Variants in FAM135B observed in about 807,000 individuals in gnomAD.
FAM135B encodes family with sequence similarity 135 member B.
Under a neutral mutation model 127.7 loss-of-function variants are expected in FAM135B, and 43 were observed. The ratio of observed to expected loss-of-function variants is 0.34; its 90% confidence interval spans 0.26 to 0.43. FAM135B has a LOEUF of 0.43. Among genes scored for constraint, FAM135B ranks in the 20% least tolerant of loss-of-function variants. The probability of loss-of-function intolerance (pLI) is 1.00; values close to 1 mark genes in which losing one functional copy is unlikely to be tolerated. For missense variants in FAM135B, 1,558 were observed against 1,725.6 expected, an observed-to-expected ratio of 0.90 and a Z score of 1.72; for synonymous variants, 670 against 665.1, an observed-to-expected ratio of 1.01 and a Z score of -0.11.
chr8:138,167,870 T>A (rs757320885), intron 12 of FAM135B, 25 bp downstream of exon 12: 2 of 1,589,878 alleles, frequency 1.3e-6, no homozygotes, highest in Admixed American at 3.5e-5. Context: ...TATTCCTGAG[T>A]CTTTCCAAAA....
At chr8:138,439,452 C>T (rs1284098597) in intron 1 of FAM135B, 1 of 152,224 alleles carries the variant, frequency 6.6e-6, no homozygotes, top group Non-Finnish European at 1.5e-5. Context: ...AAACACCAGT[C>T]TCATCTTCAA....
intron 5 of FAM135B, among the ~76,000 whole-genome samples, chr8:138,256,369 A>G (rs777544138): frequency 2.4e-4 from 37 of 152,220 alleles, no homozygotes; most frequent in Non-Finnish European, 4.1e-4. Flanking sequence ...TCATAGGGTC[A>G]TTAATCTAAA....
chr8:138,342,883 C>A (rs1174774710), intron 2 of FAM135B, among the ~76,000 whole-genome samples: 1 of 152,220 alleles, frequency 6.6e-6, no homozygotes, highest in Non-Finnish European at 1.5e-5. Flanking sequence ...TATGCATACC[C>A]AAACACGTGT....
chr8:138,340,835 C>T (rs1828996963), intron 2 of FAM135B, among the ~76,000 whole-genome samples: 1 of 152,168 alleles, frequency 6.6e-6, no homozygotes, highest in South Asian at 2.1e-4. Flanking sequence ...TCAAGGTTCA[C>T]TTTCTTGGCA....
intron 2 of FAM135B, among the ~76,000 whole-genome samples, chr8:138,341,960 TAA>T (rs1448221986): frequency 6.6e-6 from 1 of 151,760 alleles, no homozygotes; most frequent in Non-Finnish European, 1.5e-5. Context: ...GTGCAGGGAG[TAA>T]AAGTCACTTA....
At chr8:138,346,976 G>T (rs1006939745) in intron 2 of FAM135B, among the ~76,000 whole-genome samples, 1 of 152,170 alleles carries the variant, frequency 6.6e-6, no homozygotes, top group African/African-American at 2.4e-5. Flanking sequence ...CCGAGAAAAA[G>T]ATTTTGTGTT....
intron 11 of FAM135B, among the ~76,000 whole-genome samples, chr8:138,171,789 A>T (rs1563725470): frequency 1.3e-5 from 2 of 152,176 alleles, no homozygotes; most frequent in Non-Finnish European, 2.9e-5. Context: ...CAGTCTGACC[A>T]GGCAGGGAGT....
rs900315213 is a variant in FAM135B, at chr8:138,398,362, T to C, written c.-19-30360A>G. On this transcript the variant is annotated intron_variant, in intron 1 of 19. Coordinates refer to ENST00000395297, the MANE Select transcript of FAM135B (RefSeq NM_015912.4). ...GTAGCCAAAAGGAAGTTGCTAAAAATAGCAGATATTCTACAGATGATTTCA... is the reference window on the plus strand; with the variant it reads ...GTAGCCAAAAGGAAGTTGCTAAAAACAGCAGATATTCTACAGATGATTTCA... Among the ~76,000 whole-genome samples, 39 of 152,200 alleles carry C rather than the reference T, an allele frequency of 2.6e-4. 1 individual carries two copies.
At chr8:138,328,335 G>A (rs568316191) in intron 2 of FAM135B, among the ~76,000 whole-genome samples, 4 of 152,242 alleles carry the variant, frequency 2.6e-5, no homozygotes, top group African/African-American at 4.8e-5. Flanking sequence ...TGGGGAAGCC[G>A]GGACAGCATT....
intron 1 of FAM135B, among the ~76,000 whole-genome samples, chr8:138,492,611 C>T (rs965088494): frequency 5.9e-5 from 9 of 152,140 alleles, no homozygotes; most frequent in Admixed American, 5.2e-4. Context: ...CAAGCCTCAA[C>T]GGACACCACC....
chr8:138,346,857 T>C (rs1024342095), intron 2 of FAM135B, among the ~76,000 whole-genome samples: 28 of 152,296 alleles, frequency 1.8e-4, no homozygotes, highest in African/African-American at 6.5e-4. Context: ...AATTATATCA[T>C]GTGAAATGTT....
chr8:138,160,285 T>C (rs1216256901), intron 12 of FAM135B, among the ~76,000 whole-genome samples: 1 of 152,168 alleles, frequency 6.6e-6, no homozygotes, highest in Non-Finnish European at 1.5e-5. Flanking sequence ...AACAAATTAT[T>C]GAACCTGAAG....
At chr8:138,139,357 C>T (rs746389235) in intron 17 of FAM135B, among the ~76,000 whole-genome samples, 1 of 152,176 alleles carries the variant, frequency 6.6e-6, no homozygotes, top group African/African-American at 2.4e-5. Flanking sequence ...ACTCTTCAAT[C>T]CAGTCAATCT....
chr8:138,493,201 A>G (rs10094716), intron 1 of FAM135B, among the ~76,000 whole-genome samples: 53,351 of 152,134 alleles, frequency 0.35, 15,754 homozygotes, highest in African/African-American at 0.81. Context: ...CAGTGTCTGG[A>G]TAGCTCAGCA....
chr8:138,493,592 TG>T (rs1815281473), intron 1 of FAM135B, among the ~76,000 whole-genome samples: 1 of 152,172 alleles, frequency 6.6e-6, no homozygotes, highest in Non-Finnish European at 1.5e-5. Flanking sequence ...GGCAGATGGC[TG>T]GGGGAGCAAA....
intron 3 of FAM135B, among the ~76,000 whole-genome samples, chr8:138,279,680 C>T (rs745355967): frequency 2.0e-5 from 3 of 152,084 alleles, no homozygotes; most frequent in Non-Finnish European, 2.9e-5. Flanking sequence ...ACATATCTTC[C>T]GCCTGTTTAT....
rs1288035335 is a variant in FAM135B at position 138,132,878 on chromosome 8, G to A, written c.4016-80C>T. 2.6e-5 allele frequency: 34 copies of A among 1,299,492 alleles called. No homozygotes were observed. The highest frequency in any genetic ancestry group is 2.5e-4 in the East Asian group (11 of 43,196). The allele number at this position is 1,299,492 out of a possible 1,614,324, so 80.5% of individuals were successfully genotyped here. ...TAGAGAACATCACTAGATGTGTGTC[G>A]AAATTCTGTTCCTGGGCAGACCTGT... On this transcript the variant is annotated intron_variant, in intron 19 of 19. Coordinates refer to ENST00000395297, the MANE Select transcript of FAM135B (RefSeq NM_015912.4). The surrounding 1 kb of genome is among the most constrained non-coding windows in gnomAD (Gnocchi z 4.5).
chr8:138,283,579 C>T (rs192159511), intron 3 of FAM135B, among the ~76,000 whole-genome samples: 1 of 152,142 alleles, frequency 6.6e-6, no homozygotes, highest in East Asian at 1.9e-4. Context: ...ATGTACAACA[C>T]CAAGAATGAA....
chr8:138,293,918 T>C (rs1825299637), intron 3 of FAM135B, among the ~76,000 whole-genome samples: 1 of 152,066 alleles, frequency 6.6e-6, no homozygotes, highest in African/African-American at 2.4e-5. Context: ...CAGAAAGAAG[T>C]CATTATATTA....
Sources: gnomAD v4.1 joint callset for allele counts (sites outside exome capture counted in the v4.1 genomes callset) on GRCh38, gnomAD v4.1.1 for gene constraint, Gnocchi (gnomAD v3.1) non-coding constraint, MANE v1.5 for transcripts, NCBI Gene and HGNC (gene_info 2026-07-23, HGNC 2026-07-21) for gene names.